The following DACH2 variants were observed in gnomAD, a reference collection of about 807,000 sequenced individuals.
The protein encoded by DACH2 is dachshund family transcription factor 2.
A neutral mutation model predicts 35.8 loss-of-function variants in DACH2; 17 were observed. The observed-to-expected ratio is 0.48, with a 90% CI of 0.33 to 0.71. The LOEUF is 0.71. DACH2 is among the 30% of genes least tolerant of loss of function. The pLI, the probability that DACH2 is intolerant of heterozygous loss-of-function variation, is 0.02. For synonymous variants in DACH2, 195 were observed against 177.3 expected, an observed-to-expected ratio of 1.10 and a Z score of -0.79; for missense variants, 469 against 472.7, an observed-to-expected ratio of 0.99 and a Z score of 0.07.
chrX:86,798,940 T>C (rs2042265267), intron 7 of DACH2: 1 of 181,771 alleles, frequency 5.5e-6, no homozygotes, highest in Non-Finnish European at 1.0e-5. Context: ...AGGCTACTGG[T>C]AAGCACGGAG....
intron 7 of DACH2, among the ~76,000 whole-genome samples, chrX:86,804,022 A>C (rs1287127119): frequency 8.9e-6 from 1 of 111,835 alleles, no homozygotes; most frequent in Non-Finnish European, 1.9e-5. Flanking sequence ...TTTTCTTATT[A>C]AGCTTATTAC....
chrX:86,623,274 G>A (rs1445169222), intron 3 of DACH2, among the ~76,000 whole-genome samples: 1 of 112,499 alleles, frequency 8.9e-6, no homozygotes, highest in African/African-American at 3.2e-5. Context: ...ATTCAAAGAT[G>A]AGAATAATTA....
At chrX:86,444,891 G>A (rs919492576) in intron 2 of DACH2, among the ~76,000 whole-genome samples, 1 of 110,784 alleles carries the variant, frequency 9.0e-6, no homozygotes, top group African/African-American at 3.3e-5. Context: ...TTTGATTAGT[G>A]GTTTGGGAGT....
chrX:86,720,473 A>G (rs1602847556), intron 6 of DACH2, among the ~76,000 whole-genome samples: 1 of 111,923 alleles, frequency 8.9e-6, no homozygotes, highest in Non-Finnish European at 1.9e-5. Context: ...CCGCAATCCA[A>G]TAGGGCAATC....
At chrX:86,729,900 C>T (rs2041513440) in intron 6 of DACH2, among the ~76,000 whole-genome samples, 1 of 111,412 alleles carries the variant, frequency 9.0e-6, no homozygotes, top group Non-Finnish European at 1.9e-5. Context: ...TCCTGCAGAA[C>T]CATGAGCCAA....
chrX:86,801,243 G>A (rs1209856278), intron 7 of DACH2, among the ~76,000 whole-genome samples: 2 of 108,001 alleles, frequency 1.9e-5, no homozygotes, highest in East Asian at 5.8e-4. Context: ...TTGAAGAGGT[G>A]GAGTCCCACT....
rs1014159725 is a variant in DACH2, at chrX:86,148,520, C to A, written c.-101C>A. On this transcript the variant is annotated 5_prime_UTR_variant, in exon 1 of 12. Coordinates refer to ENST00000373125, the MANE Select transcript of DACH2 (RefSeq NM_053281.3). ...GAACAGTTCGGAGCCAGCGAGAGCG[C>A]GCCAGAGAGAGCGAGAGTGAGGGAG... is the stretch of plus-strand genomic sequence containing the variant. 7.3e-6 allele frequency: 7 copies of A among 965,348 alleles called. No homozygotes were observed. The highest frequency in any genetic ancestry group is 8.3e-6 in the Non-Finnish European group (6 of 721,159). 79.6% of individuals were successfully genotyped at this position (965,348 alleles called of 1,213,427 possible).
intron 1 of DACH2, among the ~76,000 whole-genome samples, chrX:86,291,825 G>C (rs2147999558): frequency 1.9e-5 from 1 of 53,922 alleles, no homozygotes; most frequent in Non-Finnish European, 3.1e-5. Flanking sequence ...GATTCAGTTT[G>C]CCAGTATTTT....
intron 3 of DACH2, among the ~76,000 whole-genome samples, chrX:86,608,523 A>G (rs769653393): frequency 2.7e-5 from 3 of 111,991 alleles, no homozygotes; most frequent in Non-Finnish European, 5.6e-5. Context: ...CTGTGTACTT[A>G]TTATTACCAG....
At chrX:86,737,140 G>A (rs1412867421) in intron 6 of DACH2, among the ~76,000 whole-genome samples, 1 of 111,750 alleles carries the variant, frequency 8.9e-6, no homozygotes, top group Non-Finnish European at 1.9e-5. Context: ...GAAAGGGTAT[G>A]ATAGAAGGGC....
chrX:86,285,902 A>G (rs1205157596), intron 1 of DACH2, among the ~76,000 whole-genome samples: 4 of 110,709 alleles, frequency 3.6e-5, no homozygotes, highest in East Asian at 2.8e-4. Flanking sequence ...TGACTCCTTT[A>G]TCATTACATA....
At chrX:86,730,280 A>G in intron 6 of DACH2, among the ~76,000 whole-genome samples, 1 of 112,299 alleles carries the variant, frequency 8.9e-6, no homozygotes, top group Non-Finnish European at 1.9e-5. Context: ...TCTAGCATTT[A>G]GCATTTCTAA....
intron 4 of DACH2, among the ~76,000 whole-genome samples, chrX:86,671,132 T>C (rs1351730380): frequency 8.9e-6 from 1 of 112,228 alleles, no homozygotes; most frequent in Non-Finnish European, 1.9e-5. Flanking sequence ...CATATGAGTA[T>C]AAAATGGACT....
intron 1 of DACH2, among the ~76,000 whole-genome samples, chrX:86,332,285 G>T (rs1054694684): frequency 9.9e-5 from 11 of 111,324 alleles, no homozygotes; most frequent in African/African-American, 2.6e-4. Flanking sequence ...CAATAACAGT[G>T]TTGCCCAGTT....
At chrX:86,486,818 G>A (rs1193536233) in intron 2 of DACH2, among the ~76,000 whole-genome samples, 2 of 111,752 alleles carry the variant, frequency 1.8e-5, no homozygotes, top group African/African-American at 6.5e-5. Flanking sequence ...CAATTTCATG[G>A]AACTATTTAG....
At chrX:86,243,914 G>A (rs2033223505) in intron 1 of DACH2, among the ~76,000 whole-genome samples, 1 of 110,901 alleles carries the variant, frequency 9.0e-6, no homozygotes, top group African/African-American at 3.3e-5. Flanking sequence ...CTTTACATTA[G>A]GAAATTGGCA....
At chrX:86,564,321 C>A (rs2039266416) in intron 3 of DACH2, among the ~76,000 whole-genome samples, 1 of 111,453 alleles carries the variant, frequency 9.0e-6, no homozygotes, top group African/African-American at 3.3e-5. Flanking sequence ...TTATTGCAAA[C>A]TGTTTACCCT....
intron 1 of DACH2, among the ~76,000 whole-genome samples, chrX:86,254,441 T>G (rs1249680554): frequency 9.1e-6 from 1 of 110,368 alleles, no homozygotes; most frequent in Non-Finnish European, 1.9e-5. Context: ...TGTATGCCCT[T>G]AAGTATTTTG....
chrX:86,620,840 G>C (rs961032552), intron 3 of DACH2, among the ~76,000 whole-genome samples: 3 of 109,290 alleles, frequency 2.7e-5, no homozygotes, highest in Non-Finnish European at 5.7e-5. Flanking sequence ...AATCTACCCC[G>C]TGTTTTTCAA....
Sources: allele counts gnomAD v4.1 joint callset (sites outside exome capture counted in the v4.1 genomes callset), GRCh38; gene constraint gnomAD v4.1.1; transcripts MANE v1.5; gene names NCBI Gene and HGNC (gene_info 2026-07-23, HGNC 2026-07-21).